Variants in VTCN1 observed in about 807,000 individuals in gnomAD.
The protein encoded by VTCN1 is V-set domain containing T cell activation inhibitor 1.
In VTCN1, 26 loss-of-function variants were observed where a neutral mutation model predicts 26.5. The observed-to-expected ratio is 0.98, with a 90% CI of 0.72 to 1.36. VTCN1 has a LOEUF of 1.36. Ranked by LOEUF, VTCN1 falls within the 40% of genes most tolerant of loss-of-function variation. The pLI, the probability that VTCN1 is intolerant of heterozygous loss-of-function variation, is 0.00. For missense variants in VTCN1, 298 were observed against 337.7 expected (o/e 0.88, Z 0.92); for synonymous variants, 116 against 130.7 (o/e 0.89, Z 0.77).
intron 1 of VTCN1, among the ~76,000 whole-genome samples, chr1:117,191,505 T>C (rs1271857248): frequency 6.6e-6 from 1 of 151,968 alleles, no homozygotes; most frequent in Admixed American, 6.6e-5. Flanking sequence ...CTATAAAAAA[T>C]AAAAAACAGA....
In VTCN1 at chr1:117,156,653, G is replaced by C; in HGVS notation, c.366C>G (p.Leu122=). The C allele has an allele frequency of 6.2e-7, 1 of 1,614,072 alleles. No individual in the cohort carries two copies. The highest frequency in any genetic ancestry group is 1.6e-4 in the Middle Eastern group (1 of 6,062). Reference sequence around the variant, plus strand: ...AACATTTGTAGGTGCCAGCATCTGTGAGTTGCACGTTTTTCAGCCGCAAAG... The same window carrying C: ...AACATTTGTAGGTGCCAGCATCTGTCAGTTGCACGTTTTTCAGCCGCAAAG... The part of the protein sequence containing the change: ...NASLRLKNVQ[L]TDAGTYKCYI... The change falls in exon 3 of 6, where the codon CTC becomes CTG. Residue 122 remains leucine (L), a synonymous_variant. Coordinates refer to ENST00000369458, the MANE Select transcript of VTCN1 (RefSeq NM_024626.4).
intron 2 of VTCN1, 191 bp from the exon 3 acceptor site, chr1:117,157,112 T>TAG: frequency 1.5e-6 from 1 of 664,732 alleles, no homozygotes; most frequent in East Asian, 4.0e-5. Context: ...TATATATATA[T>TAG]ATAGCAGATC....
chr1:117,153,224 GGT>G lies in VTCN1; in HGVS notation c.589_590del (p.Thr197GlnfsTer3). 1 of 1,614,102 alleles carries G rather than the reference GGT, an allele frequency of 6.2e-7. No homozygotes were observed. Among genetic ancestry groups the G allele is most frequent in the Non-Finnish European group, 8.5e-7 (1 of 1,179,994 alleles). On this transcript the variant is annotated frameshift_variant, in exon 4 of 6. Transcript: ENST00000369458. LOFTEE classifies it high-confidence loss of function. The part of the protein sequence containing the change: ...QGANFSEVSN[T>X]SFELNSENVT... ...CATTCTCAGAGTTCAGCTCAAAGCT[GGT>G]ATTGGAGACTTCCGAGAAGTTGGCT...
At position 117,169,985 on chromosome 1, in the gene VTCN1, A is replaced by C. The variant is rs1652814787; in HGVS notation, c.97+122T>G. On this transcript the variant is annotated intron_variant, in intron 2 of 5. Transcript: ENST00000369458. The surrounding 1 kb of genome is among the most constrained non-coding windows in gnomAD (Gnocchi z 4.0). Reference sequence around the variant, plus strand: ...AGAAAGCACAAGAAGTAGAAGAATGAATGCTATACTCTGAGGTTTTCTGGG... The same window carrying C: ...AGAAAGCACAAGAAGTAGAAGAATGCATGCTATACTCTGAGGTTTTCTGGG... The C allele has an allele frequency of 1.2e-6, 1 of 831,440 alleles. No individual in the cohort carries two copies. Among genetic ancestry groups the C allele is most frequent in the African/African-American group, 1.7e-5 (1 of 58,642 alleles). 51.5% of individuals were successfully genotyped at this position (831,440 alleles called of 1,614,324 possible). A position where few individuals can be genotyped will look rare whatever the true frequency, so the allele number is the denominator to read the frequency against.
intron 1 of VTCN1, among the ~76,000 whole-genome samples, chr1:117,181,915 G>C (rs147770337): frequency 6.6e-6 from 1 of 152,126 alleles, no homozygotes. Context: ...CAGGGAGAGT[G>C]AGCTGTAATC....
At chr1:117,203,598 A>T in intron 1 of VTCN1, 1 of 985,222 alleles carries the variant, frequency 1.0e-6, no homozygotes, top group African/African-American at 1.7e-5. Context: ...ACAGAGAGAA[A>T]TGTAGCCTGG....
At position 117,147,664 on chromosome 1, in the gene VTCN1, T is replaced by C; in HGVS notation, c.843A>G (p.Leu281=). ...TTTTTGTGGCCGAGGCACATTATTTTAGCATCAGGTAAGGGCTGAGAGGCA... is the reference window on the plus strand; with the variant it reads ...TTTTTGTGGCCGAGGCACATTATTTCAGCATCAGGTAAGGGCTGAGAGGCA... The part of the protein sequence containing the change: ...ALLPLSPYLM[L]K Residue 281 remains leucine, a synonymous_variant, in exon 5 of 6, where the codon CTA becomes CTG. Coordinates refer to ENST00000369458, the MANE Select transcript of VTCN1 (RefSeq NM_024626.4). This position sits in a 1 kb window ranked among gnomAD's most constrained non-coding sequence, Gnocchi z 4.6. 6.2e-7 allele frequency: 1 copy of C among 1,613,114 alleles called. No individual in the cohort carries two copies. Among genetic ancestry groups the C allele is most frequent in the Non-Finnish European group, 8.5e-7 (1 of 1,179,680 alleles).
Position 117,183,504 on chromosome 1 carries a change from C to T in VTCN1, c.33-13333G>A, listed in dbSNP as rs1647775721. On this transcript the variant is annotated intron_variant, in intron 1 of 5. Coordinates refer to ENST00000369458, the MANE Select transcript of VTCN1 (RefSeq NM_024626.4). This position sits in a 1 kb window ranked among gnomAD's most constrained non-coding sequence, Gnocchi z 4.1. The stretch of plus-strand genomic sequence containing the variant: ...AAAAATTGTGGTATCAGAAATCTTG[C>T]TGATGCTATAAATTGTAACAAAATG... Among the ~76,000 whole-genome samples the T allele has an allele frequency of 6.6e-6, 1 of 152,162 alleles. No homozygotes were observed. The highest frequency in any genetic ancestry group is 1.5e-5 in the Non-Finnish European group (1 of 68,028).
intron 2 of VTCN1, among the ~76,000 whole-genome samples, chr1:117,166,840 C>T (rs1652638983): frequency 6.6e-6 from 1 of 151,216 alleles, no homozygotes; most frequent in South Asian, 2.1e-4. Flanking sequence ...ACCTGTAATC[C>T]CAGCACTGTG....
chr1:117,173,540 C>G (rs1653042302), intron 1 of VTCN1, among the ~76,000 whole-genome samples: 1 of 152,208 alleles, frequency 6.6e-6, no homozygotes, highest in Non-Finnish European at 1.5e-5. Context: ...ATCCTGGCCT[C>G]CAGCCTCTAG....
At chr1:117,162,440 ATTCT>A (rs1378965256) in intron 2 of VTCN1, among the ~76,000 whole-genome samples, 1 of 152,034 alleles carries the variant, frequency 6.6e-6, no homozygotes, top group Non-Finnish European at 1.5e-5. Context: ...ACCACCAGAG[ATTCT>A]TTTTTTTTTA....
At chr1:117,206,998 C>T (rs577141278) in intron 1 of VTCN1, among the ~76,000 whole-genome samples, 10 of 152,240 alleles carry the variant, frequency 6.6e-5, no homozygotes, top group Admixed American at 3.9e-4. Context: ...GACACAAATA[C>T]GGCCTGTGCT....
Position 117,153,198 on chromosome 1 carries a change from A to G in VTCN1, c.617T>C (p.Val206Ala). 1 of 1,614,156 alleles carries G rather than the reference A, an allele frequency of 6.2e-7. No individual in the cohort carries two copies. Among genetic ancestry groups the G allele is most frequent in the Non-Finnish European group, 8.5e-7 (1 of 1,180,030 alleles). Residue 206 changes from valine to alanine, a missense_variant, in exon 4 of 6, where the codon GTG (valine) becomes GCG (alanine). Transcript: ENST00000369458. ...GAGCACAGACACAACCTTCATGGTC[A>G]CATTCTCAGAGTTCAGCTCAAAGCT... ...NTSFELNSEN[V>A]TMKVVSVLYN... is the part of the protein sequence containing the mutation.
At chr1:117,210,062 A>G (rs1649279222) in intron 1 of VTCN1, among the ~76,000 whole-genome samples, 2 of 152,218 alleles carry the variant, frequency 1.3e-5, no homozygotes, top group Admixed American at 6.5e-5. Context: ...CACTGAATCA[A>G]TCATTTCAAG....
Position 117,167,728 on chromosome 1 carries a change from AC to A in VTCN1, c.97+2378del, listed in dbSNP as rs1652691621. Among the ~76,000 whole-genome samples, 1 of 152,118 alleles carries A rather than the reference AC, an allele frequency of 6.6e-6. No individual in the cohort carries two copies. The highest frequency in any genetic ancestry group is 2.4e-5 in the African/African-American group (1 of 41,420). Reference sequence around the variant, plus strand: ...GTGAGCTGCTTTTTTAAGCACTCACACTCCTTGTGAGCTGCTTTATTTTGAG... The same window carrying A: ...GTGAGCTGCTTTTTTAAGCACTCACATCCTTGTGAGCTGCTTTATTTTGAG... On this transcript the variant is annotated intron_variant, in intron 2 of 5. Transcript: ENST00000369458. The surrounding 1 kb of genome is among the most constrained non-coding windows in gnomAD (Gnocchi z 4.1).
At chr1:117,204,223 C>T (rs1277279522) in intron 1 of VTCN1, among the ~76,000 whole-genome samples, 4 of 152,298 alleles carry the variant, frequency 2.6e-5, no homozygotes, top group South Asian at 4.1e-4. Context: ...ATATACAAGA[C>T]GCTGCTCTGA....
chr1:117,197,969 G>T (rs1243946356), intron 1 of VTCN1, among the ~76,000 whole-genome samples: 1 of 152,160 alleles, frequency 6.6e-6, no homozygotes, highest in African/African-American at 2.4e-5. Flanking sequence ...CTGGGTGTTT[G>T]TACCAATGCC....
intron 1 of VTCN1, among the ~76,000 whole-genome samples, chr1:117,196,289 ATAT>A (rs1466607990): frequency 6.6e-6 from 1 of 152,144 alleles, no homozygotes. Flanking sequence ...TTAAAAAATC[ATAT>A]TATAGAAGAA....
chr1:117,201,480 C>G (rs749567134), intron 1 of VTCN1, among the ~76,000 whole-genome samples: 20 of 152,186 alleles, frequency 1.3e-4, no homozygotes, highest in Non-Finnish European at 2.6e-4. Context: ...CCTGATCTCC[C>G]CCTTTCCCTG....
Sources: allele counts gnomAD v4.1 joint callset (sites outside exome capture counted in the v4.1 genomes callset), GRCh38; gene constraint gnomAD v4.1.1; non-coding constraint Gnocchi (gnomAD v3.1); transcripts MANE v1.5; gene names NCBI Gene and HGNC (gene_info 2026-07-23, HGNC 2026-07-21).